LTBP1: variants seen among roughly 807,000 people sequenced by gnomAD.
LTBP1 encodes the protein latent transforming growth factor beta binding protein 1.
LTBP1 carries 129 observed loss-of-function variants against 207.6 expected under a neutral mutation model. The observed-to-expected ratio is 0.62, with a 90% CI of 0.54 to 0.72. LTBP1 has a LOEUF of 0.72. LTBP1 is among the 30% of genes least tolerant of loss of function. The pLI, the probability that LTBP1 is intolerant of heterozygous loss-of-function variation, is 0.00. For synonymous variants in LTBP1, 963 were observed against 833.7 expected (o/e 1.16, Z -2.67); for missense variants, 2,281 against 2,217.2 (o/e 1.03, Z -0.58).
In LTBP1 at chr2:33,329,165, T is replaced by C. The variant is rs149352067; in HGVS notation, c.3731-13673T>C. On this transcript the variant is annotated intron_variant, in intron 24 of 33. Coordinates refer to ENST00000404816, the MANE Select transcript of LTBP1 (RefSeq NM_206943.4). ...TAAGAGTCTCAGATCCACATTATCATCAATAATTGGTATTGTCATTCCTCT... is the reference window on the plus strand; with the variant it reads ...TAAGAGTCTCAGATCCACATTATCACCAATAATTGGTATTGTCATTCCTCT... Among the ~76,000 whole-genome samples the C allele has an allele frequency of 2.2e-3, 331 of 152,334 alleles. 1 individual carries two copies. The highest frequency in any genetic ancestry group is 4.5e-3 in the African/African-American group (187 of 41,586).
chr2:33,213,877 C>T (rs1314088959), intron 7 of LTBP1, among the ~76,000 whole-genome samples: 1 of 152,190 alleles, frequency 6.6e-6, no homozygotes, highest in Admixed American at 6.5e-5. Context: ...TTATGCTGCT[C>T]TTGGCTGTGG....
At chr2:33,253,975 C>T (rs1225511576) in intron 11 of LTBP1, among the ~76,000 whole-genome samples, 8 of 149,726 alleles carry the variant, frequency 5.3e-5, no homozygotes, top group Non-Finnish European at 8.9e-5. Context: ...CTGCAAGCTC[C>T]GCCTCCCAGG....
chr2:33,111,869 C>G (rs1002039993), intron 4 of LTBP1, among the ~76,000 whole-genome samples: 1 of 151,974 alleles, frequency 6.6e-6, no homozygotes, highest in African/African-American at 2.4e-5. Context: ...CCATTTAGAT[C>G]ATTAGGAAAA....
Position 33,118,428 on chromosome 2 carries a change from G to A in LTBP1, c.1033+7677G>A, listed in dbSNP as rs185423987. ...TGTGCTTTTTCCTTGCAAAATCAGC[G>A]AGTTCCTTAAGCTCCTTGTCCCATG... is the stretch of plus-strand genomic sequence containing the variant. On this transcript the variant is annotated intron_variant, in intron 4 of 33. Transcript: ENST00000404816. Among the ~76,000 whole-genome samples the A allele has an allele frequency of 7.3e-4, 111 of 152,276 alleles. 1 individual carries two copies. Among genetic ancestry groups the A allele is most frequent in the Admixed American group, 1.4e-3 (22 of 15,302 alleles).
chr2:33,392,265 A>G (rs1236690118), intron 32 of LTBP1, among the ~76,000 whole-genome samples: 1 of 150,360 alleles, frequency 6.7e-6, no homozygotes, highest in African/African-American at 2.5e-5. Context: ...GCTCACTGCA[A>G]CCTCCACTTC....
intron 25 of LTBP1, among the ~76,000 whole-genome samples, chr2:33,347,062 G>A (rs113824946): frequency 0.023 from 3,368 of 146,090 alleles, 129 homozygotes; most frequent in African/African-American, 0.081. Flanking sequence ...AGCTTGCAGT[G>A]AGCCGAGATC....
rs397972038 is a variant in LTBP1 at position 32,959,621 on chromosome 2, A to ATT, written c.565+10692_565+10693dup. ...TGTATATATATATATATATATATATATTTTTTTTTTTTTTTTTGAGATGGA... is the reference window on the plus strand; with the variant it reads ...TGTATATATATATATATATATATATATTTTTTTTTTTTTTTTTTTGAGATGGA... On this transcript the variant is annotated intron_variant, in intron 2 of 33. Coordinates refer to ENST00000404816, the MANE Select transcript of LTBP1 (RefSeq NM_206943.4). Among the ~76,000 whole-genome samples, 217 of 36,670 alleles carry ATT rather than the reference A, an allele frequency of 5.9e-3. 6 individuals carry two copies. Among genetic ancestry groups the ATT allele is most frequent in the East Asian group, 0.023 (32 of 1,400 alleles). The allele number at this position is 36,670 out of a possible 152,430, so 24.1% of individuals were successfully genotyped here. A position where few individuals can be genotyped will look rare whatever the true frequency, so the allele number is the denominator to read the frequency against.
At chr2:33,108,555 G>A (rs146845091) in intron 3 of LTBP1, among the ~76,000 whole-genome samples, 1 of 151,988 alleles carries the variant, frequency 6.6e-6, no homozygotes, top group Admixed American at 6.6e-5. Flanking sequence ...CAATTCAGAG[G>A]GGGGACAAGA....
At position 33,276,899 on chromosome 2, in the gene LTBP1, A is replaced by G. The variant is rs529571067; in HGVS notation, c.2992+976A>G. Reference sequence around the variant, plus strand: ...AAAACACTATGGCACTTTTTTTGCAATTATTTTCATGAAGAAATACACTGA... The same window carrying G: ...AAAACACTATGGCACTTTTTTTGCAGTTATTTTCATGAAGAAATACACTGA... On this transcript the variant is annotated intron_variant, in intron 18 of 33. Transcript: ENST00000404816. Among the ~76,000 whole-genome samples the G allele has an allele frequency of 2.5e-4, 38 of 152,300 alleles. No homozygotes were observed. In the South Asian group the frequency reaches 6.4e-3, roughly 26 times the overall value.
chr2:33,188,842 T>G lies in LTBP1; in HGVS notation c.1692T>G (p.Ile564Met). The change falls in exon 7 of 34, where the codon ATT becomes ATG. Residue 564 changes from isoleucine (I) to methionine (M), a missense_variant. This residue lies in a region of LTBP1 where 1,671 missense variants were observed against 1,634.8 expected (regional missense o/e 1.02). Coordinates refer to ENST00000404816, the MANE Select transcript of LTBP1 (RefSeq NM_206943.4). ...TTGGCCGGTGCTTCCAGGAAACCAT[T>G]GGGTCACAGGTAAACATCATCACCG... ...TQLGRCFQET[I>M]GSQCGKALPG... 1 of 1,614,136 alleles carries G rather than the reference T, an allele frequency of 6.2e-7. No individual in the cohort carries two copies. The highest frequency in any genetic ancestry group is 8.5e-7 in the Non-Finnish European group (1 of 1,180,006).
chr2:33,007,103 C>T (rs1302421638), intron 2 of LTBP1, among the ~76,000 whole-genome samples: 1 of 152,146 alleles, frequency 6.6e-6, no homozygotes, highest in Non-Finnish European at 1.5e-5. Flanking sequence ...CTCACTCTGT[C>T]GCCCAGGCTG....
At position 33,318,795 on chromosome 2, in the gene LTBP1, G is replaced by T. The variant is rs564820209; in HGVS notation, c.3730+3526G>T. Among the ~76,000 whole-genome samples, 7 of 152,190 alleles carry T rather than the reference G, an allele frequency of 4.6e-5. No individual in the cohort carries two copies. In the East Asian group the frequency reaches 7.7e-4, roughly 17 times the overall value. On this transcript the variant is annotated intron_variant, in intron 24 of 33. Coordinates refer to ENST00000404816, the MANE Select transcript of LTBP1 (RefSeq NM_206943.4). Reference sequence around the variant, plus strand: ...CAACTCGTTGTTTTATGGTCCATTTGATCATATCCATTTGTTTAGCAAAAA... The same window carrying T: ...CAACTCGTTGTTTTATGGTCCATTTTATCATATCCATTTGTTTAGCAAAAA...
chr2:33,160,786 C>A (rs374082530), intron 5 of LTBP1, among the ~76,000 whole-genome samples: 20 of 152,318 alleles, frequency 1.3e-4, no homozygotes, highest in African/African-American at 4.3e-4. Flanking sequence ...TGTACCCACT[C>A]TATCTGTTGC....
At chr2:33,143,086 T>C (rs1416377520) in intron 5 of LTBP1, among the ~76,000 whole-genome samples, 1 of 152,122 alleles carries the variant, frequency 6.6e-6, no homozygotes, top group Non-Finnish European at 1.5e-5. Flanking sequence ...ATACCAAAGG[T>C]CCCCAAGTGC....
chr2:33,053,043 G>C (rs2076822398), intron 3 of LTBP1, among the ~76,000 whole-genome samples: 1 of 151,982 alleles, frequency 6.6e-6, no homozygotes, highest in Non-Finnish European at 1.5e-5. Flanking sequence ...GCTAATTTTT[G>C]CATTTTTAAT....
At chr2:33,041,294 T>C (rs2076170378) in intron 3 of LTBP1, among the ~76,000 whole-genome samples, 1 of 152,188 alleles carries the variant, frequency 6.6e-6, no homozygotes, top group Non-Finnish European at 1.5e-5. Flanking sequence ...TTCTTTTTTT[T>C]TCTTTTTTGA....
chr2:33,010,141 G>C (rs966104252), intron 2 of LTBP1, among the ~76,000 whole-genome samples: 3 of 152,204 alleles, frequency 2.0e-5, no homozygotes, highest in African/African-American at 7.2e-5. Flanking sequence ...CCAGGCCTCT[G>C]TGGCCAGCAT....
intron 25 of LTBP1, among the ~76,000 whole-genome samples, chr2:33,346,717 C>T (rs1021283506): frequency 6.0e-5 from 9 of 150,530 alleles, no homozygotes; most frequent in Non-Finnish European, 8.9e-5. Context: ...TAGAGTGTTG[C>T]GTCATTTAAG....
chr2:33,200,751 A>C (rs2089144359), intron 7 of LTBP1, among the ~76,000 whole-genome samples: 1 of 152,192 alleles, frequency 6.6e-6, no homozygotes, highest in African/African-American at 2.4e-5. Flanking sequence ...AATATCCAGA[A>C]TCTACAATGA....
Sources: gnomAD v4.1 joint callset for allele counts (sites outside exome capture counted in the v4.1 genomes callset) on GRCh38, gnomAD v4.1.1 for gene constraint, gnomAD v4.1.1 regional missense constraint, MANE v1.5 for transcripts, NCBI Gene and HGNC (gene_info 2026-07-23, HGNC 2026-07-21) for gene names.